LRP1B: variants seen among roughly 807,000 people sequenced by gnomAD.
The protein encoded by LRP1B is low-density lipoprotein receptor-related protein 1B.
LRP1B carries 217 observed loss-of-function variants against 556.6 expected under a neutral mutation model. The observed-to-expected ratio is 0.39, with a 90% confidence interval of 0.35 to 0.44. The LOEUF is 0.44. Ranked by LOEUF, LRP1B falls within the 20% of genes least tolerant of loss-of-function variation. The probability of loss-of-function intolerance (pLI) is 1.00; values close to 1 mark genes in which losing one functional copy is unlikely to be tolerated. For missense variants in LRP1B, 5,053 were observed against 5,620.8 expected (o/e 0.90, Z 3.23); for synonymous variants, 2,047 against 1,865.8 (o/e 1.10, Z -2.50).
At chr2:141,649,054 G>A (rs1442667255) in intron 2 of LRP1B, among the ~76,000 whole-genome samples, 1 of 152,222 alleles carries the variant, frequency 6.6e-6, no homozygotes, top group African/African-American at 2.4e-5. Context: ...TAATAGAGAA[G>A]ACAGGGTAGG....
At chr2:141,664,438 T>C (rs1558790016) in intron 2 of LRP1B, among the ~76,000 whole-genome samples, 4 of 152,308 alleles carry the variant, frequency 2.6e-5, no homozygotes, top group Non-Finnish European at 5.9e-5. Context: ...GCAGATGACA[T>C]GATCCTATAT....
intron 3 of LRP1B, among the ~76,000 whole-genome samples, chr2:141,454,437 T>A (rs1439992050): frequency 6.6e-6 from 1 of 152,196 alleles, no homozygotes; most frequent in Non-Finnish European, 1.5e-5. Flanking sequence ...AGTCCTTCCC[T>A]GCGTGCACTG....
intron 2 of LRP1B, 109 bp downstream of exon 2, chr2:141,810,161 GAAAGAAGGA>G (rs1299808707): frequency 5.2e-6 from 2 of 385,032 alleles, no homozygotes; most frequent in South Asian, 7.1e-5. Context: ...AAGAAAGAAA[GAAAGAAGGA>G]AAGAAAGAAA....
At chr2:140,269,835 A>G (rs1682379622) in intron 86 of LRP1B, among the ~76,000 whole-genome samples, 1 of 151,954 alleles carries the variant, frequency 6.6e-6, no homozygotes, top group Non-Finnish European at 1.5e-5. Flanking sequence ...TCTCATACAA[A>G]CATCAACTAG....
At chr2:141,047,914 C>A (rs920950256) in intron 11 of LRP1B, among the ~76,000 whole-genome samples, 22 of 151,998 alleles carry the variant, frequency 1.4e-4, no homozygotes, top group Admixed American at 1.3e-4. Context: ...CTGAGTATAC[C>A]CACATAAAGA....
chr2:141,399,701 G>A (rs149017088), intron 3 of LRP1B, among the ~76,000 whole-genome samples: 3 of 152,142 alleles, frequency 2.0e-5, no homozygotes, highest in Admixed American at 6.5e-5. Flanking sequence ...TGAACCCCCC[G>A]TTCAATTCTG....
At chr2:141,807,466 C>G (rs887203712) in intron 2 of LRP1B, among the ~76,000 whole-genome samples, 2 of 151,932 alleles carry the variant, frequency 1.3e-5, no homozygotes, top group Non-Finnish European at 2.9e-5. Context: ...TAAGGATATT[C>G]AGCAATTTTA....
chr2:140,366,695 T>C (rs1682777998), intron 71 of LRP1B, among the ~76,000 whole-genome samples: 2 of 151,712 alleles, frequency 1.3e-5, no homozygotes, highest in South Asian at 4.1e-4. Flanking sequence ...ATGTAACTAA[T>C]GCTAAGCAGG....
intron 1 of LRP1B, among the ~76,000 whole-genome samples, chr2:142,061,308 T>C (rs949845615): frequency 1.3e-5 from 2 of 152,000 alleles, no homozygotes; most frequent in East Asian, 1.9e-4. Flanking sequence ...AGATGAGGAA[T>C]TGAACACAAC....
intron 7 of LRP1B, among the ~76,000 whole-genome samples, chr2:141,106,546 T>C (rs1045665072): frequency 6.8e-6 from 1 of 147,846 alleles, no homozygotes; most frequent in Non-Finnish European, 1.5e-5. Context: ...TAAATAGACA[T>C]GTCTGGAATG....
chr2:141,329,665 ACT>A, intron 3 of LRP1B, among the ~76,000 whole-genome samples: 1 of 146,202 alleles, frequency 6.8e-6, no homozygotes, highest in South Asian at 2.2e-4. Flanking sequence ...AAAAAAAAAA[ACT>A]ATCTCTCTCT....
chr2:140,371,265 G>T lies in LRP1B; in HGVS notation c.10789C>A (p.Arg3597Ser), dbSNP rs760854078. Residue 3597 changes from arginine to serine, a missense_variant, in exon 70 of 91, where the codon CGT (arginine) becomes AGT (serine). Arg to Ser is a moderately radical substitution (Grantham distance 110, BLOSUM62 -1). Coordinates refer to ENST00000389484, the MANE Select transcript of LRP1B (RefSeq NM_018557.3). ...CCATCACTGGCACATATATATTCAC[G>T]TGATGAGCAAGTAGGAGAAGCTGAA... ...CEPASPTCSS[R>S]EYICASDGCI... The T allele has an allele frequency of 1.3e-6, 2 of 1,579,778 alleles. No individual in the cohort carries two copies. Among genetic ancestry groups the T allele is most frequent in the East Asian group, 2.3e-5 (1 of 43,392 alleles).
Position 141,552,207 on chromosome 2 carries a change from T to G in LRP1B, c.206-71674A>C, listed in dbSNP as rs554486221. On this transcript the variant is annotated intron_variant, in intron 2 of 90. Coordinates refer to ENST00000389484, the MANE Select transcript of LRP1B (RefSeq NM_018557.3). ...AACTAATTAGACTCAAGGACAAAAT[T>G]ATTTTTTATTTCTCCAAATTGTACT... is the stretch of plus-strand genomic sequence containing the variant. Among the ~76,000 whole-genome samples the G allele has an allele frequency of 2.3e-3, 357 of 152,140 alleles. 4 individuals carry two copies. The highest frequency in any genetic ancestry group is 6.7e-3 in the African/African-American group (278 of 41,566).
chr2:140,867,873 C>G (rs2105154671), intron 26 of LRP1B, 39 bp from the exon 27 acceptor site: 5 of 1,488,172 alleles, frequency 3.4e-6, no homozygotes, highest in Non-Finnish European at 3.6e-6. Flanking sequence ...TGTCAAAACT[C>G]ATTCAACTAG....
chr2:140,380,413 A>C (rs1683421212), intron 67 of LRP1B, among the ~76,000 whole-genome samples: 1 of 152,086 alleles, frequency 6.6e-6, no homozygotes, highest in Admixed American at 6.5e-5. Context: ...ACAAGAAGAA[A>C]CTCATTTGCT....
At chr2:140,884,238 C>CT (rs1693564283) in intron 24 of LRP1B, among the ~76,000 whole-genome samples, 1 of 152,030 alleles carries the variant, frequency 6.6e-6, no homozygotes, top group African/African-American at 2.4e-5. Context: ...CTAGTAAATC[C>CT]TTTTGGTATC....
chr2:140,654,563 C>A (rs1361328897), intron 41 of LRP1B, among the ~76,000 whole-genome samples: 3 of 152,012 alleles, frequency 2.0e-5, no homozygotes, highest in Non-Finnish European at 4.4e-5. Flanking sequence ...TTTTAAAATG[C>A]TGAATATTAG....
intron 2 of LRP1B, among the ~76,000 whole-genome samples, chr2:141,687,936 T>C (rs1691370461): frequency 6.7e-6 from 1 of 150,178 alleles, no homozygotes; most frequent in Non-Finnish European, 1.5e-5. Context: ...AAGTTCTCTA[T>C]AAAAACATTT....
rs2104994483 is a variant in LRP1B at position 140,534,048 on chromosome 2, C to T, written c.7735G>A (p.Asp2579Asn). 1 of 1,613,586 alleles carries T rather than the reference C, an allele frequency of 6.2e-7. No individual in the cohort carries two copies. The change falls in exon 47 of 91, where the codon GAC becomes AAC. Residue 2579 changes from aspartate (D) to asparagine (N), a missense_variant. Asp to Asn is a conservative substitution (Grantham distance 23). Coordinates refer to ENST00000389484, the MANE Select transcript of LRP1B (RefSeq NM_018557.3). Reference protein sequence around the residue: ...KLCDGENDCGDNSDELDCKVS... With the variant: ...KLCDGENDCGNNSDELDCKVS... Reference sequence around the variant, plus strand: ...TTACAATCTAATTCATCAGAGTTGTCTCCGCAGTCATTTTCTCCATCACAT... The same window carrying T: ...TTACAATCTAATTCATCAGAGTTGTTTCCGCAGTCATTTTCTCCATCACAT...
Sources: allele counts gnomAD v4.1 joint callset (sites outside exome capture counted in the v4.1 genomes callset), GRCh38; gene constraint gnomAD v4.1.1; transcripts MANE v1.5; gene names NCBI Gene and HGNC (gene_info 2026-07-23, HGNC 2026-07-21).